The following SPAG16 variants were observed in gnomAD, a reference collection of about 807,000 sequenced individuals.
SPAG16 encodes sperm associated antigen 16.
Under a neutral mutation model 80.4 loss-of-function variants are expected in SPAG16, and 86 were observed. The observed-to-expected ratio is 1.07, with a 90% CI of 0.90 to 1.28. SPAG16 has a LOEUF of 1.28. Among genes scored for constraint, SPAG16 ranks in the 50% most tolerant of loss-of-function variants. The probability of loss-of-function intolerance (pLI) is 0.00; values close to 1 mark genes in which losing one functional copy is unlikely to be tolerated. For synonymous variants in SPAG16, 294 were observed against 265.9 expected (o/e 1.11, Z -1.03); for missense variants, 870 against 765.3 (o/e 1.14, Z -1.61).
intron 9 of SPAG16, among the ~76,000 whole-genome samples, chr2:213,444,978 G>A (rs558885764): frequency 7.9e-5 from 12 of 152,116 alleles, no homozygotes; most frequent in Non-Finnish European, 1.8e-4. Context: ...AAGGCACCAA[G>A]AACATATATT....
At chr2:214,157,219 G>A (rs776816445) in intron 15 of SPAG16, among the ~76,000 whole-genome samples, 5 of 152,062 alleles carry the variant, frequency 3.3e-5, no homozygotes, top group African/African-American at 7.2e-5. Context: ...TTCAATCACC[G>A]CAGCACATGA....
intron 8 of SPAG16, among the ~76,000 whole-genome samples, chr2:213,369,728 T>C (rs2066528249): frequency 6.6e-6 from 1 of 152,202 alleles, no homozygotes; most frequent in Non-Finnish European, 1.5e-5. Context: ...GGATAAACTT[T>C]ATTTTTTAGA....
intron 10 of SPAG16, among the ~76,000 whole-genome samples, chr2:213,782,192 T>A (rs566671287): frequency 4.3e-4 from 65 of 149,636 alleles, no homozygotes; most frequent in Middle Eastern, 3.5e-3. Context: ...TTTTTTTTTT[T>A]AAATAATAAA....
chr2:214,148,438 C>T (rs1466583960), intron 14 of SPAG16, among the ~76,000 whole-genome samples: 1 of 152,088 alleles, frequency 6.6e-6, no homozygotes, highest in Non-Finnish European at 1.5e-5. Flanking sequence ...TTCTGTTTTC[C>T]TTCCCCTTTA....
intron 10 of SPAG16, among the ~76,000 whole-genome samples, chr2:213,666,245 G>A (rs1406042917): frequency 2.0e-5 from 3 of 152,052 alleles, no homozygotes; most frequent in African/African-American, 7.2e-5. Flanking sequence ...ATTTCAGGGA[G>A]CTCTCAAGCT....
At chr2:214,251,119 A>G (rs1280322729) in intron 15 of SPAG16, among the ~76,000 whole-genome samples, 3 of 151,850 alleles carry the variant, frequency 2.0e-5, no homozygotes, top group Admixed American at 6.6e-5. Flanking sequence ...GTTCTTTCCT[A>G]TGATAAGTTA....
intron 10 of SPAG16, among the ~76,000 whole-genome samples, chr2:213,618,824 A>T (rs1327066776): frequency 6.6e-6 from 1 of 151,472 alleles, no homozygotes; most frequent in African/African-American, 2.4e-5. Context: ...TGTCTTAGTC[A>T]TTTCCTTTTT....
At chr2:213,633,879 CT>C (rs1269493268) in intron 10 of SPAG16, among the ~76,000 whole-genome samples, 1 of 151,984 alleles carries the variant, frequency 6.6e-6, no homozygotes, top group Non-Finnish European at 1.5e-5. Flanking sequence ...CATGGAATAT[CT>C]TTTTTTATCC....
chr2:214,377,973 T>A (rs1700229912), intron 15 of SPAG16, among the ~76,000 whole-genome samples: 2 of 152,110 alleles, frequency 1.3e-5, no homozygotes, highest in Admixed American at 1.3e-4. Context: ...GTTGGTCCAA[T>A]ATGATCACAA....
At chr2:213,694,924 T>G (rs1169092788) in intron 10 of SPAG16, among the ~76,000 whole-genome samples, 2 of 152,146 alleles carry the variant, frequency 1.3e-5, no homozygotes, top group African/African-American at 4.8e-5. Context: ...CCCAGTAGTA[T>G]GGGGTCCTGT....
chr2:213,791,409 CAAAGA>C (rs145850667), intron 10 of SPAG16, among the ~76,000 whole-genome samples: 15 of 151,568 alleles, frequency 9.9e-5, no homozygotes, highest in African/African-American at 3.4e-4. Context: ...TTTTTTTATA[CAAAGA>C]AAATAGTTTT....
intron 10 of SPAG16, among the ~76,000 whole-genome samples, chr2:213,803,441 T>G (rs1575180456): frequency 6.6e-6 from 1 of 152,206 alleles, no homozygotes; most frequent in South Asian, 2.1e-4. Context: ...AGATTTTACC[T>G]TGGAATTGTA....
intron 10 of SPAG16, among the ~76,000 whole-genome samples, chr2:213,767,449 C>T (rs2125540796): frequency 6.6e-6 from 1 of 152,186 alleles, no homozygotes; most frequent in Non-Finnish European, 1.5e-5. Flanking sequence ...GAGAGGATCA[C>T]TTGAGCCCAG....
intron 10 of SPAG16, among the ~76,000 whole-genome samples, chr2:213,496,452 C>A (rs900760128): frequency 6.6e-6 from 1 of 152,082 alleles, no homozygotes; most frequent in Non-Finnish European, 1.5e-5. Flanking sequence ...ATACATAGGA[C>A]ACCTTGGACT....
chr2:214,380,577 T>G (rs992053921), intron 15 of SPAG16, among the ~76,000 whole-genome samples: 1 of 152,230 alleles, frequency 6.6e-6, no homozygotes, highest in Non-Finnish European at 1.5e-5. Context: ...AATAATTTAC[T>G]GGCATGTATG....
At chr2:214,289,053 C>A (rs1644301295) in intron 15 of SPAG16, among the ~76,000 whole-genome samples, 1 of 152,078 alleles carries the variant, frequency 6.6e-6, no homozygotes, top group South Asian at 2.1e-4. Flanking sequence ...CAGGCATGAG[C>A]CACCGTTCCC....
At chr2:213,436,896 C>T (rs1013214028) in intron 9 of SPAG16, among the ~76,000 whole-genome samples, 27 of 151,668 alleles carry the variant, frequency 1.8e-4, no homozygotes, top group East Asian at 7.7e-4. Context: ...TGTAATACTA[C>T]GCAAAAATGA....
chr2:214,366,857 A>C (rs950308756), intron 15 of SPAG16, among the ~76,000 whole-genome samples: 2 of 152,248 alleles, frequency 1.3e-5, no homozygotes, highest in Middle Eastern at 3.4e-3. Context: ...TGAAAAAAAA[A>C]CACATTTGTT....
intron 13 of SPAG16, among the ~76,000 whole-genome samples, chr2:214,048,046 C>G (rs138362302): frequency 7.9e-5 from 12 of 152,220 alleles, no homozygotes; most frequent in Non-Finnish European, 1.6e-4. Flanking sequence ...ATAACAAACA[C>G]TGGTAAGGAT....
Sources: allele counts gnomAD v4.1 joint callset (sites outside exome capture counted in the v4.1 genomes callset), GRCh38; gene constraint gnomAD v4.1.1; transcripts MANE v1.5; gene names NCBI Gene and HGNC (gene_info 2026-07-23, HGNC 2026-07-21).